Variants in RBFOX1 observed in about 807,000 individuals in gnomAD.
RBFOX1 encodes the protein RNA binding fox-1 homolog 1.
A neutral mutation model predicts 57.7 loss-of-function variants in RBFOX1; 8 were observed. The ratio of observed to expected loss-of-function variants is 0.14; its 90% CI spans 0.08 to 0.25. The LOEUF is 0.25. Ranked by LOEUF, RBFOX1 falls within the 10% of genes least tolerant of loss-of-function variation. The pLI is 1.00. For missense variants in RBFOX1, 611 were observed against 548.5 expected (o/e 1.11, Z -1.14); for synonymous variants, 326 against 222.4 (o/e 1.47, Z -4.15).
At chr16:6,294,898 T>TA (rs958555990) in intron 1 of RBFOX1, among the ~76,000 whole-genome samples, 4 of 152,186 alleles carry the variant, frequency 2.6e-5, no homozygotes, top group African/African-American at 7.2e-5. Context: ...GACCAGCTGA[T>TA]AAAAAAAGAT....
chr16:6,242,686 A>T (rs372600757), intron 1 of RBFOX1, among the ~76,000 whole-genome samples: 1 of 150,236 alleles, frequency 6.7e-6, no homozygotes, highest in African/African-American at 2.5e-5. Flanking sequence ...GTATTATTTT[A>T]TTTCATTCTC....
intron 1 of RBFOX1, among the ~76,000 whole-genome samples, chr16:6,263,217 C>A (rs911560495): frequency 6.6e-6 from 1 of 152,088 alleles, no homozygotes; most frequent in Non-Finnish European, 1.5e-5. Flanking sequence ...CTTTCTGCTT[C>A]CCCAGGAATT....
intron 1 of RBFOX1, among the ~76,000 whole-genome samples, chr16:5,389,331 C>T (rs2066340858): frequency 6.6e-6 from 1 of 152,170 alleles, no homozygotes. Context: ...GGCTTTTCGA[C>T]CTTGGCTCTA....
intron 2 of RBFOX1, among the ~76,000 whole-genome samples, chr16:6,345,152 C>G (rs2085177541): frequency 6.6e-6 from 1 of 152,196 alleles, no homozygotes; most frequent in Admixed American, 6.5e-5. Flanking sequence ...TAGACTTAAA[C>G]AGCTCCTGCT....
At chr16:6,207,836 T>C (rs1366369225) in intron 1 of RBFOX1, among the ~76,000 whole-genome samples, 1 of 152,076 alleles carries the variant, frequency 6.6e-6, no homozygotes, top group Non-Finnish European at 1.5e-5. Context: ...TACAGATGTA[T>C]GGCACCACAT....
At chr16:7,308,358 A>G (rs147992037) in intron 4 of RBFOX1, among the ~76,000 whole-genome samples, 1 of 150,342 alleles carries the variant, frequency 6.7e-6, no homozygotes, top group East Asian at 2.0e-4. Flanking sequence ...TATTAACTTA[A>G]TTTTCTCTGT....
chr16:6,264,827 T>C (rs930974188), intron 1 of RBFOX1, among the ~76,000 whole-genome samples: 1 of 152,226 alleles, frequency 6.6e-6, no homozygotes, highest in African/African-American at 2.4e-5. Flanking sequence ...TTTATTTCTG[T>C]CTTGCTCAGG....
At chr16:7,577,631 C>G (rs530955493) in intron 5 of RBFOX1, among the ~76,000 whole-genome samples, 1 of 152,370 alleles carries the variant, frequency 6.6e-6, no homozygotes, top group South Asian at 2.1e-4. Flanking sequence ...GGGATGGTGG[C>G]TCACGCCTGT....
chr16:7,669,239 C>T (rs1322114958), intron 13 of RBFOX1, among the ~76,000 whole-genome samples: 1 of 152,004 alleles, frequency 6.6e-6, no homozygotes, highest in East Asian at 1.9e-4. Flanking sequence ...TAGAAGTTGA[C>T]CAAGGAGTGG....
chr16:5,633,235 C>T (rs1213676022), intron 3 of RBFOX1, among the ~76,000 whole-genome samples: 1 of 152,174 alleles, frequency 6.6e-6, no homozygotes, highest in African/African-American at 2.4e-5. Context: ...CCACGCCCAG[C>T]CAACAACTCT....
At chr16:5,474,316 G>A (rs2069242277) in intron 2 of RBFOX1, among the ~76,000 whole-genome samples, 1 of 152,156 alleles carries the variant, frequency 6.6e-6, no homozygotes, top group Admixed American at 6.5e-5. Context: ...CTACTGAGGG[G>A]ACTTCGTTAA....
chr16:7,680,461 A>C (rs546486439), intron 14 of RBFOX1, among the ~76,000 whole-genome samples: 154 of 152,280 alleles, frequency 1.0e-3, no homozygotes, highest in African/African-American at 3.7e-3. Context: ...CCTCCACGTC[A>C]GGGCTGAAAG....
At chr16:7,037,891 C>G (rs535077707) in intron 3 of RBFOX1, among the ~76,000 whole-genome samples, 24 of 152,164 alleles carry the variant, frequency 1.6e-4, no homozygotes, top group Admixed American at 2.0e-4. Context: ...CTGTGTGTCT[C>G]TGCTGAATCT....
chr16:6,227,200 G>C (rs56997790), intron 1 of RBFOX1, among the ~76,000 whole-genome samples: 6,233 of 152,064 alleles, frequency 0.041, 419 homozygotes, highest in African/African-American at 0.14. Context: ...GTCTACCCTG[G>C]CCCTCCTCAG....
intron 3 of RBFOX1, among the ~76,000 whole-genome samples, chr16:5,693,822 C>T (rs1000918338): frequency 1.3e-5 from 2 of 152,190 alleles, no homozygotes; most frequent in African/African-American, 4.8e-5. Context: ...TCCTCAAACT[C>T]AGCTCAAGTA....
At chr16:6,458,792 A>T (rs2094838769) in intron 2 of RBFOX1, among the ~76,000 whole-genome samples, 1 of 152,212 alleles carries the variant, frequency 6.6e-6, no homozygotes, top group African/African-American at 2.4e-5. Context: ...TGTAAAATGC[A>T]TGTGGATTTC....
At chr16:7,011,674 C>T (rs753702965) in intron 3 of RBFOX1, among the ~76,000 whole-genome samples, 4 of 152,102 alleles carry the variant, frequency 2.6e-5, no homozygotes, top group African/African-American at 4.8e-5. Context: ...CCACCATGCT[C>T]GGCTAATTTT....
chr16:6,668,827 G>A (rs1156695277), intron 3 of RBFOX1, among the ~76,000 whole-genome samples: 1 of 141,982 alleles, frequency 7.0e-6, no homozygotes, highest in Non-Finnish European at 1.5e-5. Flanking sequence ...TCTATTTTGT[G>A]TAATTTTTAG....
At chr16:7,356,910 G>C (rs1183271465) in intron 4 of RBFOX1, among the ~76,000 whole-genome samples, 1 of 152,154 alleles carries the variant, frequency 6.6e-6, no homozygotes, top group Non-Finnish European at 1.5e-5. Flanking sequence ...CCTCCAGCAA[G>C]GTTGATGCAG....
Sources: gnomAD v4.1 joint callset for allele counts (sites outside exome capture counted in the v4.1 genomes callset) on GRCh38, gnomAD v4.1.1 for gene constraint, MANE v1.5 for transcripts, NCBI Gene and HGNC (gene_info 2026-07-23, HGNC 2026-07-21) for gene names.